Variants in C19orf47 observed in about 807,000 individuals in gnomAD.
The protein encoded by C19orf47 is chromosome 19 open reading frame 47.
C19orf47 carries 18 observed loss-of-function variants against 32.3 expected under a neutral mutation model. The ratio of observed to expected loss-of-function variants is 0.56; its 90% CI spans 0.39 to 0.83. The LOEUF (loss-of-function observed/expected upper bound fraction) is 0.83, where lower values mean the gene tolerates loss of function less well. Among genes scored for constraint, C19orf47 ranks in the 40% least tolerant of loss-of-function variants. The probability of loss-of-function intolerance (pLI) is 0.00; values close to 1 mark genes in which losing one functional copy is unlikely to be tolerated. For missense variants in C19orf47, 484 were observed against 531.6 expected (o/e 0.91, Z 0.88); for synonymous variants, 202 against 211.1 (o/e 0.96, Z 0.37).
At position 40,336,249 on chromosome 19, in the gene C19orf47, GC is replaced by G. The variant is rs753277301; in HGVS notation, c.108-26del. 12 of 1,613,824 alleles carry G rather than the reference GC, an allele frequency of 7.4e-6. No homozygotes were observed. In the Admixed American group the frequency reaches 2.0e-4, roughly 27 times the overall value. ...CCTGCAGGGAAAGGTCAGTGGTGAG[GC>G]CCCAGGTGGGCCAGAGTGGGTGGGC... On this transcript the variant is annotated intron_variant, in intron 3 of 8. Transcript: ENST00000683109.
At chr19:40,308,961 T>C in the C19orf47 span, among the ~76,000 whole-genome samples, 10 of 151,912 alleles carry the variant, frequency 6.6e-5, no homozygotes, top group African/African-American at 2.2e-4. Context: ...ACTTGGGAGG[T>C]TGAAGCAAGA....
At chr19:40,343,279 C>G (rs1423585163) in intron 1 of C19orf47, among the ~76,000 whole-genome samples, 1 of 152,158 alleles carries the variant, frequency 6.6e-6, no homozygotes, top group African/African-American at 2.4e-5. Flanking sequence ...CTGTTTACCA[C>G]CCCATACGAC....
At chr19:40,329,240 G>A (rs1600183206) in intron 5 of C19orf47, among the ~76,000 whole-genome samples, 1 of 152,138 alleles carries the variant, frequency 6.6e-6, no homozygotes, top group East Asian at 1.9e-4. Context: ...AGGCACAAGG[G>A]CGCATGCCTG....
In C19orf47 at chr19:40,326,400, T is replaced by C. The variant is rs373050130; in HGVS notation, c.526A>G (p.Ile176Val). The change falls in exon 7 of 9, where the codon ATC (isoleucine) becomes GTC (valine). Residue 176 changes from isoleucine to valine, a missense_variant. Around this residue, in one of 3 missense-constraint regions of C19orf47, gnomAD observed 376 missense variants for 370.2 expected, o/e 1.02. Transcript: ENST00000683109. Reference sequence around the variant, plus strand: ...GGTGTGGTGCCTTTGGGCATGTTGATGACGTACTTCCCCTCCATCTCAGCA... The same window carrying C: ...GGTGTGGTGCCTTTGGGCATGTTGACGACGTACTTCCCCTCCATCTCAGCA... ...VTAEMEGKYV[I>V]NMPKGTTPRT... The C allele has an allele frequency of 1.5e-5, 24 of 1,614,196 alleles. No homozygotes were observed. Among genetic ancestry groups the C allele is most frequent in the Non-Finnish European group, 2.0e-5 (24 of 1,180,040 alleles).
downstream of C19orf47, among the ~76,000 whole-genome samples, chr19:40,317,082 C>T (rs1211088753): frequency 1.3e-5 from 2 of 152,020 alleles, no homozygotes; most frequent in Non-Finnish European, 2.9e-5. Context: ...ACTTTTGTAT[C>T]TTTTGCATTT....
At chr19:40,326,286 G>A (rs1457593755) in intron 7 of C19orf47, 48 bp downstream of exon 7, 1 of 1,607,868 alleles carries the variant, frequency 6.2e-7, no homozygotes, top group Non-Finnish European at 8.5e-7. Context: ...TGATGCAGAG[G>A]GAGGGACATG....
the C19orf47 span, among the ~76,000 whole-genome samples, chr19:40,299,740 C>T: frequency 6.6e-6 from 1 of 152,132 alleles, no homozygotes; most frequent in African/African-American, 2.4e-5. Flanking sequence ...AAAAGAGAGA[C>T]ATTAGCCAGG....
intron 5 of C19orf47, among the ~76,000 whole-genome samples, chr19:40,332,876 G>A (rs998332903): frequency 1.3e-5 from 2 of 152,086 alleles, no homozygotes; most frequent in Admixed American, 6.6e-5. Flanking sequence ...TTCAGGTCCC[G>A]CTCTGTAAAC....
At chr19:40,333,162 G>A (rs978656786) in intron 5 of C19orf47, among the ~76,000 whole-genome samples, 9 of 152,024 alleles carry the variant, frequency 5.9e-5, no homozygotes, top group Non-Finnish European at 1.3e-4. Flanking sequence ...GGAGGCTGAG[G>A]CAGGAGGATC....
chr19:40,328,478 G>T lies in C19orf47; in HGVS notation c.374C>A (p.Thr125Asn), dbSNP rs747278159. The T allele has an allele frequency of 1.2e-6, 2 of 1,612,426 alleles. No homozygotes were observed. The highest frequency in any genetic ancestry group is 1.7e-6 in the Non-Finnish European group (2 of 1,179,252). Residue 125 changes from threonine (T) to asparagine (N), a missense_variant, in exon 6 of 9, where the codon ACC becomes AAC. Thr to Asn is a moderately conservative substitution (Grantham distance 65). This residue lies in a region of C19orf47 where 376 missense variants were observed against 370.2 expected (regional missense o/e 1.02). Coordinates refer to ENST00000683109, the MANE Select transcript of C19orf47 (RefSeq NM_001256441.2). Reference protein sequence around the residue: ...PPSTPPRRPDTSTSKISVTVS... With the variant: ...PPSTPPRRPDNSTSKISVTVS... ...AGTGACCGAGATCTTGGAGGTGCTG[G>T]TGTCCGGGCGCCTGGGGGGTGTGCT...
the C19orf47 span, among the ~76,000 whole-genome samples, chr19:40,307,078 C>T: frequency 6.7e-6 from 1 of 149,620 alleles, no homozygotes; most frequent in South Asian, 2.1e-4. Context: ...CGTGAGCCAC[C>T]GCGCCCGGCC....
chr19:40,324,791 G>A (rs1458181438), intron 7 of C19orf47: 3 of 152,174 alleles, frequency 2.0e-5, no homozygotes. Flanking sequence ...CAGATCGCAT[G>A]AGCCTAAGAG....
the C19orf47 span, among the ~76,000 whole-genome samples, chr19:40,300,114 C>G: frequency 6.6e-6 from 1 of 152,166 alleles, no homozygotes; most frequent in East Asian, 1.9e-4. Flanking sequence ...TGATGCTAAA[C>G]GTTTATATTT....
chr19:40,315,474 C>T (rs1422113235), downstream of C19orf47, among the ~76,000 whole-genome samples: 2 of 151,870 alleles, frequency 1.3e-5, no homozygotes, highest in Non-Finnish European at 2.9e-5. Flanking sequence ...AGTGAGACCT[C>T]GTCTCTACAA....
the C19orf47 span, among the ~76,000 whole-genome samples, chr19:40,311,340 T>C: frequency 6.6e-6 from 1 of 151,164 alleles, no homozygotes; most frequent in Non-Finnish European, 1.5e-5. Flanking sequence ...AATCACGCCA[T>C]TGCACTCCAG....
At chr19:40,334,701 C>T (rs1289485739) in intron 4 of C19orf47, 2 of 152,098 alleles carry the variant, frequency 1.3e-5, no homozygotes, top group Admixed American at 6.6e-5. Context: ...TGAGCCAAGA[C>T]AGCACCACTA....
chr19:40,336,285 C>A, intron 3 of C19orf47, 35 bp downstream of exon 3: 1 of 1,613,422 alleles, frequency 6.2e-7, no homozygotes, highest in Non-Finnish European at 8.5e-7. Context: ...CCAGCCAGCT[C>A]CCCACCACCC....
chr19:40,328,579 G>T (rs1445749602), intron 5 of C19orf47, 29 bp from the exon 6 acceptor site: 2 of 1,581,936 alleles, frequency 1.3e-6, no homozygotes, highest in Admixed American at 3.8e-5. Context: ...AGTCCGGTCG[G>T]GTGGGGTCCT....
chr19:40,333,604 GA>G (rs1352271452), intron 5 of C19orf47, among the ~76,000 whole-genome samples: 7 of 152,098 alleles, frequency 4.6e-5, no homozygotes, highest in African/African-American at 1.7e-4. Context: ...TTTCTTCTAG[GA>G]GCTAAGAATT....
Sources: gnomAD v4.1 joint callset for allele counts (sites outside exome capture counted in the v4.1 genomes callset) on GRCh38, gnomAD v4.1.1 for gene constraint, gnomAD v4.1.1 regional missense constraint, MANE v1.5 for transcripts, NCBI Gene and HGNC (gene_info 2026-07-23, HGNC 2026-07-21) for gene names.